HAO2: variants seen among roughly 807,000 people sequenced by gnomAD.
The protein encoded by HAO2 is hydroxyacid oxidase 2.
In HAO2, 42 loss-of-function variants were observed where a neutral mutation model predicts 37.4. The observed-to-expected ratio is 1.12, with a 90% CI of 0.88 to 1.45. The LOEUF (loss-of-function observed/expected upper bound fraction) is 1.45, where lower values mean the gene tolerates loss of function less well. HAO2 is among the 40% of genes most tolerant of loss of function. The pLI is 0.00. For missense variants in HAO2, 476 were observed against 430.2 expected, an observed-to-expected ratio of 1.11 and a Z score of -0.94; for synonymous variants, 180 against 162.8, an observed-to-expected ratio of 1.11 and a Z score of -0.81.
intron 1 of HAO2, among the ~76,000 whole-genome samples, chr1:119,377,534 C>T (rs1267697277): frequency 4.6e-5 from 7 of 152,182 alleles, no homozygotes; most frequent in African/African-American, 7.2e-5. Context: ...TCCACATTTT[C>T]GGGTATCTTT....
chr1:119,386,807 G>A lies in HAO2; in HGVS notation c.747G>A (p.Arg249=). 2 of 1,611,278 alleles carry A rather than the reference G, an allele frequency of 1.2e-6. No individual in the cohort carries two copies. Among genetic ancestry groups the A allele is most frequent in the Non-Finnish European group, 8.5e-7 (1 of 1,177,446 alleles). ...QGIIVSNHGG[R]QLDEVLASID... ...TCATTGTTTCCAACCATGGTGGGAG[G>A]CAGCTTGATGAGGTTCTTGCTTCAG... Residue 249 remains arginine, a synonymous_variant, in exon 5 of 8, where the codon AGG becomes AGA. Transcript: ENST00000325945.
chr1:119,385,479 A>C, intron 4 of HAO2: 2 of 774,590 alleles, frequency 2.6e-6, no homozygotes, highest in Non-Finnish European at 3.1e-6. Context: ...GTTCATGACC[A>C]AAGTGACTGG....
chr1:119,369,765 C>T (rs898418203), intron 1 of HAO2, among the ~76,000 whole-genome samples: 1 of 151,930 alleles, frequency 6.6e-6, no homozygotes, highest in African/African-American at 2.4e-5. Context: ...GGTAACTCTC[C>T]CCTCAAAGGG....
rs149478927 is a variant in HAO2, at chr1:119,393,079, T to A, written c.1000+392T>A. ...TTAGTATATTTTTGTGAATAATACATTTTGCCAAAGTTATGGTGCACACAT... is the reference window on the plus strand; with the variant it reads ...TTAGTATATTTTTGTGAATAATACAATTTGCCAAAGTTATGGTGCACACAT... On this transcript the variant is annotated intron_variant, in intron 7 of 7. Coordinates refer to ENST00000325945, the MANE Select transcript of HAO2 (RefSeq NM_016527.4). Among the ~76,000 whole-genome samples the A allele has an allele frequency of 1.2e-3, 180 of 152,286 alleles. 1 individual carries two copies. In the Middle Eastern group the frequency reaches 0.017, roughly 14 times the overall value.
intron 1 of HAO2, among the ~76,000 whole-genome samples, chr1:119,371,254 C>T (rs1355881170): frequency 1.3e-5 from 2 of 152,178 alleles, no homozygotes; most frequent in Non-Finnish European, 2.9e-5. Flanking sequence ...TGGATACTCA[C>T]GTGAATTATC....
Position 119,392,649 on chromosome 1 carries a change from T to C in HAO2, c.962T>C (p.Ile321Thr), listed in dbSNP as rs766085026. ...GEHGVKEVLN[I>T]LTNEFHTSMA... ...CATGGTGTTAAGGAAGTTTTGAACA[T>C]TTTAACAAATGAGTTCCACACTTCC... The change falls in exon 7 of 8, where the codon ATT becomes ACT. Residue 321 changes from isoleucine to threonine, a missense_variant. Physicochemically the swap from Ile to Thr is moderately conservative, Grantham distance 89 (BLOSUM62 -1). Coordinates refer to ENST00000325945, the MANE Select transcript of HAO2 (RefSeq NM_016527.4). 2.5e-6 allele frequency: 4 copies of C among 1,610,466 alleles called. No individual in the cohort carries two copies. The highest frequency in any genetic ancestry group is 3.4e-6 in the Non-Finnish European group (4 of 1,176,724).
At chr1:119,392,021 C>T in intron 5 of HAO2, 89 bp from the exon 6 acceptor site, 1 of 1,190,408 alleles carries the variant, frequency 8.4e-7, no homozygotes, top group East Asian at 2.4e-5. Context: ...GGCGTCTCCT[C>T]AGCTTGGTTT....
rs2275607 is a variant in HAO2, at chr1:119,381,101, T to C, written c.16T>C (p.Leu6=). ...AGGTCCAGAAATGTCCTTGGTGTGT[T>C]TGACAGACTTTCAGGCCCATGCGCG... MSLVC[L]TDFQAHAREQ... The change falls in exon 2 of 8, where the codon TTG becomes CTG. Residue 6 remains leucine (L), a synonymous_variant. Transcript: ENST00000325945. 807,556 of 1,611,318 alleles carry C rather than the reference T, an allele frequency of 0.5. 210,374 individuals are homozygous for C. The highest frequency in any genetic ancestry group is 0.57 in the Admixed American group (34,208 of 60,006).
At chr1:119,386,375 T>G (rs1650381109) in intron 4 of HAO2, among the ~76,000 whole-genome samples, 1 of 151,950 alleles carries the variant, frequency 6.6e-6, no homozygotes, top group African/African-American at 2.4e-5. Flanking sequence ...CACGATTTAT[T>G]TTTTTAGAGG....
intron 1 of HAO2, among the ~76,000 whole-genome samples, chr1:119,371,402 A>C (rs1452972983): frequency 6.6e-6 from 1 of 152,192 alleles, no homozygotes; most frequent in East Asian, 1.9e-4. Context: ...TAAACATAAG[A>C]AGTTATTTTT....
At chr1:119,393,120 A>T (rs1651042561) in intron 7 of HAO2, among the ~76,000 whole-genome samples, 1 of 152,146 alleles carries the variant, frequency 6.6e-6, no homozygotes, top group African/African-American at 2.4e-5. Flanking sequence ...ATATGGAAAG[A>T]ACTCCCAGTT....
At chr1:119,389,394 T>G (rs1466756494) in intron 5 of HAO2, among the ~76,000 whole-genome samples, 1 of 151,318 alleles carries the variant, frequency 6.6e-6, no homozygotes. Flanking sequence ...ATAGTTGTAC[T>G]AGCTCACATT....
At chr1:119,373,921 C>A (rs1649235145) in intron 1 of HAO2, among the ~76,000 whole-genome samples, 1 of 152,192 alleles carries the variant, frequency 6.6e-6, no homozygotes, top group Admixed American at 6.5e-5. Context: ...AAGGCTCCTG[C>A]ATCCTTGATT....
intron 1 of HAO2, chr1:119,380,511 C>G: frequency 3.4e-6 from 2 of 592,422 alleles, no homozygotes; most frequent in Non-Finnish European, 6.1e-6. Flanking sequence ...CAGCTCCAGA[C>G]AATTCAAACA....
intron 3 of HAO2, among the ~76,000 whole-genome samples, chr1:119,384,257 T>A (rs762281000): frequency 6.6e-6 from 1 of 152,146 alleles, no homozygotes; most frequent in Non-Finnish European, 1.5e-5. Flanking sequence ...CCTAAAGACA[T>A]GTATTATTAT....
intron 5 of HAO2, among the ~76,000 whole-genome samples, chr1:119,391,706 C>G (rs1273996301): frequency 6.6e-6 from 1 of 152,098 alleles, no homozygotes; most frequent in East Asian, 1.9e-4. Flanking sequence ...GACTTAGTGC[C>G]TTTGCAGTGG....
chr1:119,386,676 A>G lies in HAO2; in HGVS notation c.616A>G (p.Asn206Asp). ...MTPISTSLCWNDLSWFQSITR... is the reference protein window; with the variant it reads ...MTPISTSLCWDDLSWFQSITR... ...TCCTATCAGCACTTCTCTCTGCTGG[A>G]ATGATCTCTCCTGGTTTCAGAGCAT... is the stretch of plus-strand genomic sequence containing the variant. The change falls in exon 5 of 8, where the codon AAT becomes GAT. Residue 206 changes from asparagine (N) to aspartate (D), a missense_variant. Asn to Asp is a conservative substitution (Grantham distance 23, BLOSUM62 1). Transcript: ENST00000325945. The G allele has an allele frequency of 6.2e-7, 1 of 1,613,362 alleles. No individual in the cohort carries two copies. The highest frequency in any genetic ancestry group is 8.5e-7 in the Non-Finnish European group (1 of 1,179,336).
chr1:119,369,742 T>G (rs1482978543), intron 1 of HAO2, among the ~76,000 whole-genome samples: 2 of 152,136 alleles, frequency 1.3e-5, no homozygotes, highest in Admixed American at 1.3e-4. Flanking sequence ...ATGGGAATAT[T>G]GCCAAATTCC....
intron 3 of HAO2, among the ~76,000 whole-genome samples, chr1:119,383,846 T>A (rs1338105300): frequency 6.6e-6 from 1 of 152,166 alleles, no homozygotes; most frequent in African/African-American, 2.4e-5. Flanking sequence ...TAGAGCTGAA[T>A]GTGACATCCA....
Sources: gnomAD v4.1 joint callset for allele counts (sites outside exome capture counted in the v4.1 genomes callset) on GRCh38, gnomAD v4.1.1 for gene constraint, MANE v1.5 for transcripts, NCBI Gene and HGNC (gene_info 2026-07-23, HGNC 2026-07-21) for gene names.